The following DDX46 variants were observed in gnomAD, a reference collection of about 807,000 sequenced individuals.
The protein encoded by DDX46 is probable ATP-dependent RNA helicase DDX46.
Under a neutral mutation model 134.9 loss-of-function variants are expected in DDX46, and 30 were observed. The ratio of observed to expected loss-of-function variants is 0.22; its 90% CI spans 0.17 to 0.30. DDX46 has a LOEUF of 0.30. DDX46 is among the 10% of genes least tolerant of loss of function. The probability of loss-of-function intolerance (pLI) is 1.00; values close to 1 mark genes in which losing one functional copy is unlikely to be tolerated. For missense variants in DDX46, 622 were observed against 1,248.7 expected, an observed-to-expected ratio of 0.50 and a Z score of 7.56; for synonymous variants, 415 against 404.1, an observed-to-expected ratio of 1.03 and a Z score of -0.32.
chr5:134,766,855 C>T, intron 2 of DDX46, 62 bp from the exon 3 acceptor site: 1 of 1,538,682 alleles, frequency 6.5e-7, no homozygotes. Flanking sequence ...GGACAGAATC[C>T]CCTGATCTGA....
chr5:134,797,093 G>C, intron 15 of DDX46: 1 of 213,520 alleles, frequency 4.7e-6, no homozygotes, highest in South Asian at 5.8e-5. Context: ...GAGGTTGCCG[G>C]GAGGCAGAAG....
chr5:134,803,109 T>G (rs1023365971), intron 15 of DDX46, among the ~76,000 whole-genome samples: 2 of 152,184 alleles, frequency 1.3e-5, no homozygotes, highest in African/African-American at 4.8e-5. Flanking sequence ...TTTTCCTGCC[T>G]CAGTCTCCCA....
intron 21 of DDX46, among the ~76,000 whole-genome samples, chr5:134,820,046 C>G (rs1205568323): frequency 1.3e-5 from 2 of 151,818 alleles, no homozygotes; most frequent in Non-Finnish European, 2.9e-5. Flanking sequence ...CTCAGCCTCC[C>G]AAGTAGCTGG....
intron 9 of DDX46, among the ~76,000 whole-genome samples, chr5:134,783,550 CTTTT>C (rs1175468795): frequency 7.9e-6 from 1 of 125,790 alleles, no homozygotes; most frequent in Non-Finnish European, 1.6e-5. Context: ...CATGCCCGGC[CTTTT>C]TTTTTTTTTT....
rs182457179 is a variant in DDX46 at position 134,800,300 on chromosome 5, T to C, written c.1954+4150T>C. Reference sequence around the variant, plus strand: ...TCAACATGGATTAGTTTTTTTTACCTCTTAGAGTTATAGATAAATGGAATC... The same window carrying C: ...TCAACATGGATTAGTTTTTTTTACCCCTTAGAGTTATAGATAAATGGAATC... On this transcript the variant is annotated intron_variant, in intron 15 of 22. Transcript: ENST00000452510. Among the ~76,000 whole-genome samples the C allele has an allele frequency of 5.2e-3, 793 of 152,310 alleles. 6 individuals are homozygous for C. The highest frequency in any genetic ancestry group is 8.1e-3 in the Non-Finnish European group (551 of 68,020).
At chr5:134,791,874 G>A (rs1754513649) in intron 13 of DDX46, among the ~76,000 whole-genome samples, 1 of 152,178 alleles carries the variant, frequency 6.6e-6, no homozygotes, top group Non-Finnish European at 1.5e-5. Context: ...ATGCGAAACA[G>A]TTAAAATGAT....
intron 13 of DDX46, among the ~76,000 whole-genome samples, chr5:134,792,774 T>G (rs911952819): frequency 3.9e-5 from 6 of 152,264 alleles, no homozygotes; most frequent in Non-Finnish European, 5.9e-5. Context: ...TATGTCCGTG[T>G]ATGTGCTTAG....
chr5:134,777,809 G>A (rs755923288), intron 6 of DDX46, 84 bp downstream of exon 6: 2 of 1,459,936 alleles, frequency 1.4e-6, no homozygotes, highest in Middle Eastern at 1.8e-4. Context: ...TGATTGGCAT[G>A]ACTTTGTAAA....
At chr5:134,765,277 G>A (rs1275557921) in intron 2 of DDX46, among the ~76,000 whole-genome samples, 1 of 151,130 alleles carries the variant, frequency 6.6e-6, no homozygotes, top group Non-Finnish European at 1.5e-5. Context: ...CAGGTATGGT[G>A]GCTCATGCCT....
chr5:134,815,443 T>C (rs1755260063), intron 18 of DDX46, among the ~76,000 whole-genome samples: 1 of 151,980 alleles, frequency 6.6e-6, no homozygotes. Flanking sequence ...CGGTGGTGGC[T>C]CATGCCTGTA....
Position 134,811,775 on chromosome 5 carries a change from A to C in DDX46, c.2366A>C (p.Asn789Thr). Residue 789 changes from asparagine to threonine, a missense_variant, in exon 18 of 23, where the codon AAT becomes ACT. Asn to Thr is a moderately conservative substitution (Grantham distance 65). Transcript: ENST00000452510. ...KFDETEQALA[N>T]ERKKLQKAAL... Reference sequence around the variant, plus strand: ...GATGAAACAGAACAAGCTTTGGCTAATGAGAGGAAGAAGTTACAAAAAGCA... The same window carrying C: ...GATGAAACAGAACAAGCTTTGGCTACTGAGAGGAAGAAGTTACAAAAAGCA... 6.2e-7 allele frequency: 1 copy of C among 1,614,074 alleles called. No homozygotes were observed. Among genetic ancestry groups the C allele is most frequent in the Non-Finnish European group, 8.5e-7 (1 of 1,179,984 alleles).
At chr5:134,798,313 C>G (rs1754729625) in intron 15 of DDX46, among the ~76,000 whole-genome samples, 1 of 152,044 alleles carries the variant, frequency 6.6e-6, no homozygotes, top group Non-Finnish European at 1.5e-5. Flanking sequence ...GTTCTTGTGC[C>G]TCAGCCTCTC....
chr5:134,773,924 T>TA, intron 5 of DDX46, 63 bp downstream of exon 5: 1 of 1,383,824 alleles, frequency 7.2e-7, no homozygotes, highest in Non-Finnish European at 9.6e-7. Context: ...GAATAATATT[T>TA]CATAAGGGGT....
At chr5:134,784,624 AT>A in intron 10 of DDX46, 83 bp downstream of exon 10, 1 of 1,399,348 alleles carries the variant, frequency 7.1e-7, no homozygotes. Context: ...AATGTTCTTA[AT>A]TATGACAATG....
intron 19 of DDX46, chr5:134,817,182 G>A (rs1755308482): frequency 3.7e-6 from 1 of 269,450 alleles, no homozygotes; most frequent in Non-Finnish European, 6.9e-6. Context: ...ATTAGAGTAT[G>A]CAAATGATTT....
At chr5:134,787,816 C>G (rs985396086) in intron 11 of DDX46, among the ~76,000 whole-genome samples, 2 of 151,768 alleles carry the variant, frequency 1.3e-5, no homozygotes, top group African/African-American at 4.8e-5. Context: ...TTGTGACCAG[C>G]CTGGGCAATG....
chr5:134,821,518 CTT>C (rs906949887), intron 21 of DDX46, among the ~76,000 whole-genome samples: 2 of 147,958 alleles, frequency 1.4e-5, no homozygotes, highest in African/African-American at 5.0e-5. Context: ...TTGATTTGCT[CTT>C]GTTTCTGGGT....
chr5:134,797,893 A>T (rs1481572715), intron 15 of DDX46, among the ~76,000 whole-genome samples: 2 of 151,698 alleles, frequency 1.3e-5, no homozygotes, highest in Non-Finnish European at 1.5e-5. Flanking sequence ...GCTCACTGCA[A>T]CCTCCGCCTC....
chr5:134,773,663 C>T, intron 4 of DDX46, 33 bp from the exon 5 acceptor site: 2 of 1,547,164 alleles, frequency 1.3e-6, no homozygotes, highest in Non-Finnish European at 1.7e-6. Context: ...TTTTTATTTT[C>T]CCCCATCTCT....
Sources: allele counts gnomAD v4.1 joint callset (sites outside exome capture counted in the v4.1 genomes callset), GRCh38; gene constraint gnomAD v4.1.1; transcripts MANE v1.5; gene names NCBI Gene and HGNC (gene_info 2026-07-23, HGNC 2026-07-21).